Variants in ARIH2 observed in about 807,000 individuals in gnomAD.
ARIH2 encodes the protein ariadne RBR E3 ubiquitin protein ligase 2, also known as E3 ubiquitin-protein ligase ARIH2.
Under a neutral mutation model 79.8 loss-of-function variants are expected in ARIH2, and 12 were observed. That is an observed-to-expected ratio of 0.15 (90% CI 0.10 to 0.24). The LOEUF (loss-of-function observed/expected upper bound fraction) is 0.24, where lower values mean the gene tolerates loss of function less well. Among genes scored for constraint, ARIH2 ranks in the 10% least tolerant of loss-of-function variants. The pLI is 1.00. For missense variants in ARIH2, 301 were observed against 618.3 expected (o/e 0.49, Z 5.44); for synonymous variants, 224 against 213.9 (o/e 1.05, Z -0.41).
intron 12 of ARIH2, 65 bp from the exon 13 acceptor site, chr3:48,980,288 T>G (rs1015023507): frequency 2.8e-5 from 43 of 1,556,582 alleles, no homozygotes; most frequent in Non-Finnish European, 3.6e-5. Context: ...TATCCTGAAC[T>G]CCTGTGTAGA....
At chr3:48,951,302 C>G (rs997341287) in intron 3 of ARIH2, among the ~76,000 whole-genome samples, 1 of 152,004 alleles carries the variant, frequency 6.6e-6, no homozygotes, top group Non-Finnish European at 1.5e-5. Context: ...TTCATAAATT[C>G]ATTTATTAGT....
intron 8 of ARIH2, 46 bp from the exon 9 acceptor site, chr3:48,973,653 C>A: frequency 6.9e-7 from 1 of 1,439,154 alleles, no homozygotes; most frequent in Non-Finnish European, 9.7e-7. Context: ...GAACATGGGA[C>A]CCTGACTTAA....
chr3:48,971,877 C>T (rs757152036), intron 8 of ARIH2, among the ~76,000 whole-genome samples: 27 of 152,316 alleles, frequency 1.8e-4, no homozygotes, highest in Non-Finnish European at 3.2e-4. Flanking sequence ...GGGTATTTGC[C>T]TGAGGGCCTT....
chr3:48,953,840 G>A (rs921932209), intron 3 of ARIH2, among the ~76,000 whole-genome samples: 1 of 151,280 alleles, frequency 6.6e-6, no homozygotes, highest in African/African-American at 2.4e-5. Context: ...GGGACTACAG[G>A]CACATGCCAC....
chr3:48,978,415 TTGTGTATGTGTGTGTGTGTGTGTGTG>T (rs1360381831), intron 11 of ARIH2, among the ~76,000 whole-genome samples: 5 of 90,622 alleles, frequency 5.5e-5, no homozygotes, highest in East Asian at 6.2e-4. Context: ...CCTGGCTAAT[TTGTGTATGTGTGTGTGTGTGTGTGTG>T]TGTGTGTGTG....
In ARIH2 at chr3:48,920,590, T is replaced by G. The variant is rs546087134; in HGVS notation, c.-162+1592T>G. On this transcript the variant is annotated intron_variant, in intron 1 of 15. Transcript: ENST00000356401. ...TTCACTGCAGCCTCCATCTCCCAGA[T>G]CAAGCAGTTCTGCCTTAGCCTCCCG... 9.8e-4 allele frequency among the ~76,000 whole-genome samples: 66 copies of G among 67,560 alleles called. 23 individuals carry two copies. The highest frequency in any genetic ancestry group is 1.6e-3 in the Non-Finnish European group (55 of 34,468). 44.3% of individuals were successfully genotyped at this position (67,560 alleles called of 152,430 possible).
At chr3:48,923,436 T>C (rs1393102856) in intron 2 of ARIH2, among the ~76,000 whole-genome samples, 1 of 151,224 alleles carries the variant, frequency 6.6e-6, no homozygotes, top group Non-Finnish European at 1.5e-5. Flanking sequence ...ACATTATTTT[T>C]ATTGCCCCAC....
intron 3 of ARIH2, among the ~76,000 whole-genome samples, chr3:48,952,876 T>C (rs999611748): frequency 4.6e-5 from 7 of 152,230 alleles, no homozygotes; most frequent in African/African-American, 1.7e-4. Flanking sequence ...CAAGGGAGTT[T>C]ATATTGCCTG....
At chr3:48,978,123 A>G (rs1173585360) in intron 11 of ARIH2, among the ~76,000 whole-genome samples, 2 of 152,190 alleles carry the variant, frequency 1.3e-5, no homozygotes, top group African/African-American at 2.4e-5. Flanking sequence ...AACAAGGCAC[A>G]TAGCCCATGT....
At chr3:48,959,279 GCA>G (rs1329122536) in intron 3 of ARIH2, among the ~76,000 whole-genome samples, 1 of 147,080 alleles carries the variant, frequency 6.8e-6, no homozygotes, top group African/African-American at 2.5e-5. Context: ...TTGCACCACT[GCA>G]CTCCAGCCTG....
Position 48,927,539 on chromosome 3 carries a change from C to A in ARIH2, c.-20C>A. 1 of 1,609,794 alleles carries A rather than the reference C, an allele frequency of 6.2e-7. No homozygotes were observed. Among genetic ancestry groups the A allele is most frequent in the Admixed American group, 1.7e-5 (1 of 59,050 alleles). On this transcript the variant is annotated 5_prime_UTR_variant, in exon 3 of 16. Coordinates refer to ENST00000356401, the MANE Select transcript of ARIH2 (RefSeq NM_006321.4). ...AAAAAGCAACTGCTTTCCTGATCTG[C>A]AACTTGGCTGGATGCTAAGATGTCA...
chr3:48,935,235 G>C (rs561357834), intron 3 of ARIH2, among the ~76,000 whole-genome samples: 1 of 152,090 alleles, frequency 6.6e-6, no homozygotes, highest in South Asian at 2.1e-4. Context: ...AAAAATAACT[G>C]TAAACAAAAC....
At position 48,979,698 on chromosome 3, in the gene ARIH2, A is replaced by G. The variant is rs1176970792; in HGVS notation, c.1113+65A>G. ...TTCTTCCACTTGGCCTGCTGGTGGG[A>G]TTCCCAGGGACTGGTAGACAGAGCT... On this transcript the variant is annotated intron_variant, in intron 12 of 15. Coordinates refer to ENST00000356401, the MANE Select transcript of ARIH2 (RefSeq NM_006321.4). 37 of 1,573,202 alleles carry G rather than the reference A, an allele frequency of 2.4e-5. 1 individual carries two copies. The highest frequency in any genetic ancestry group is 3.2e-5 in the Non-Finnish European group (37 of 1,152,834).
At chr3:48,931,910 G>A (rs971788073) in intron 3 of ARIH2, among the ~76,000 whole-genome samples, 5 of 152,176 alleles carry the variant, frequency 3.3e-5, no homozygotes, top group African/African-American at 1.2e-4. Flanking sequence ...TCAGGAGGCT[G>A]AGGCAGGAGA....
intron 3 of ARIH2, among the ~76,000 whole-genome samples, chr3:48,940,067 A>C (rs1289897565): frequency 6.7e-6 from 1 of 150,316 alleles, no homozygotes; most frequent in African/African-American, 2.4e-5. Flanking sequence ...TTAGCCAGGC[A>C]TGGTGGTGGG....
intron 1 of ARIH2, 61 bp from the exon 2 acceptor site, chr3:48,922,687 A>G (rs2084984461): frequency 6.6e-6 from 1 of 152,162 alleles, no homozygotes; most frequent in South Asian, 2.1e-4. Flanking sequence ...TAAAAAAAAA[A>G]TAAACTTGCA....
At chr3:48,965,224 G>T (rs556288738) in intron 5 of ARIH2, among the ~76,000 whole-genome samples, 1 of 152,094 alleles carries the variant, frequency 6.6e-6, no homozygotes, top group African/African-American at 2.4e-5. Context: ...GCCGGATGTG[G>T]TGGCAGGCAC....
chr3:48,924,500 G>A (rs187189995), intron 2 of ARIH2, among the ~76,000 whole-genome samples: 26 of 151,752 alleles, frequency 1.7e-4, no homozygotes, highest in Admixed American at 1.5e-3. Context: ...TGACCGCTAT[G>A]CCTGTCTTAT....
chr3:48,949,354 G>A (rs766124959), intron 3 of ARIH2, among the ~76,000 whole-genome samples: 7 of 152,118 alleles, frequency 4.6e-5, no homozygotes, highest in Non-Finnish European at 1.0e-4. Flanking sequence ...TCCTGACCTC[G>A]TGATCCGCCT....
Sources: gnomAD v4.1 joint callset for allele counts (sites outside exome capture counted in the v4.1 genomes callset) on GRCh38, gnomAD v4.1.1 for gene constraint, MANE v1.5 for transcripts, NCBI Gene and HGNC (gene_info 2026-07-23, HGNC 2026-07-21) for gene names.